CHCHD6: variants seen among roughly 807,000 people sequenced by gnomAD.
The protein encoded by CHCHD6 is coiled-coil-helix-coiled-coil-helix domain containing 6.
A neutral mutation model predicts 32.3 loss-of-function variants in CHCHD6; 28 were observed. The observed-to-expected ratio is 0.87, with a 90% CI of 0.64 to 1.19. The LOEUF (loss-of-function observed/expected upper bound fraction) is 1.19, where lower values mean the gene tolerates loss of function less well. CHCHD6 is among the 50% of genes most tolerant of loss of function. The pLI, the probability that CHCHD6 is intolerant of heterozygous loss-of-function variation, is 0.00. For synonymous variants in CHCHD6, 122 were observed against 117.5 expected (o/e 1.04, Z -0.25); for missense variants, 333 against 307.0 (o/e 1.08, Z -0.63).
At chr3:126,863,455 ACTG>A (rs1942048702) in intron 5 of CHCHD6, among the ~76,000 whole-genome samples, 1 of 125,288 alleles carries the variant, frequency 8.0e-6, no homozygotes, top group Non-Finnish European at 1.7e-5. Flanking sequence ...CTCCTCCCCC[ACTG>A]TCACCACCTC....
intron 4 of CHCHD6, among the ~76,000 whole-genome samples, chr3:126,751,730 T>G (rs1936732828): frequency 6.6e-6 from 1 of 152,182 alleles, no homozygotes; most frequent in Non-Finnish European, 1.5e-5. Context: ...CCGGGTTGCC[T>G]GGGGTCGAAT....
chr3:126,762,400 A>G (rs1937196247), intron 4 of CHCHD6, among the ~76,000 whole-genome samples: 1 of 152,080 alleles, frequency 6.6e-6, no homozygotes, highest in African/African-American at 2.4e-5. Context: ...TCTTTGATAA[A>G]TTGGTTGTTG....
chr3:126,767,543 C>A, intron 4 of CHCHD6: 2 of 464,336 alleles, frequency 4.3e-6, no homozygotes, highest in South Asian at 2.7e-5. Flanking sequence ...CCACCAGGCA[C>A]CTGTGTGTTG....
chr3:126,789,668 A>G (rs1411089234), intron 4 of CHCHD6, among the ~76,000 whole-genome samples: 1 of 151,376 alleles, frequency 6.6e-6, no homozygotes, highest in Non-Finnish European at 1.5e-5. Context: ...TTTGTTTTCC[A>G]TTTGCTTGGT....
intron 4 of CHCHD6, among the ~76,000 whole-genome samples, chr3:126,786,971 G>C (rs1938246175): frequency 6.6e-6 from 1 of 152,202 alleles, no homozygotes; most frequent in African/African-American, 2.4e-5. Context: ...TAACATTTAA[G>C]TCTTTAATCC....
intron 4 of CHCHD6, among the ~76,000 whole-genome samples, chr3:126,847,072 G>A (rs1941319863): frequency 6.6e-6 from 1 of 152,134 alleles, no homozygotes; most frequent in African/African-American, 2.4e-5. Flanking sequence ...AGATTAATCA[G>A]TTCATATATT....
chr3:126,859,007 G>C (rs1414621993), intron 5 of CHCHD6, among the ~76,000 whole-genome samples: 1 of 152,240 alleles, frequency 6.6e-6, no homozygotes, highest in Non-Finnish European at 1.5e-5. Context: ...TGTCTTGTTA[G>C]CGCCTGTGGC....
intron 4 of CHCHD6, among the ~76,000 whole-genome samples, chr3:126,789,045 G>A (rs1290800914): frequency 1.3e-5 from 2 of 152,120 alleles, no homozygotes; most frequent in African/African-American, 4.8e-5. Context: ...TGGTTTCAAA[G>A]GACATCTTTA....
rs200230339 is a variant in CHCHD6 at position 126,704,282 on chromosome 3, C to G, written c.-31C>G. The G allele has an allele frequency of 6.3e-7, 1 of 1,579,744 alleles. No individual in the cohort carries two copies. The highest frequency in any genetic ancestry group is 8.6e-7 in the Non-Finnish European group (1 of 1,158,250). On this transcript the variant is annotated 5_prime_UTR_variant, in exon 1 of 8. Transcript: ENST00000290913. ...GTTGCTCTGGAGCCGGGTCTCGGGT[C>G]TGGTGGCTGCCGGCCCTGCGGCATC...
In CHCHD6 at chr3:126,767,005, A is replaced by G. The variant is rs1196168295; in HGVS notation, c.411+33783A>G. On this transcript the variant is annotated intron_variant, in intron 4 of 7. Coordinates refer to ENST00000290913, the MANE Select transcript of CHCHD6 (RefSeq NM_032343.3). ...GCCACAGGCTACGTCTCACACAGCT[A>G]CATTTGGTACAGGCAGGATCTGCCT... 6.9e-6 allele frequency: 6 copies of G among 867,302 alleles called. No individual in the cohort carries two copies. The East Asian group carries it at 9.7e-5, about 14-fold the overall frequency. The allele number at this position is 867,302 out of a possible 1,614,324, so 53.7% of individuals were successfully genotyped here.
intron 6 of CHCHD6, among the ~76,000 whole-genome samples, chr3:126,917,352 CTTTG>C (rs2078186485): frequency 6.6e-6 from 1 of 152,180 alleles, no homozygotes; most frequent in Admixed American, 6.5e-5. Flanking sequence ...GTTGCTCTTC[CTTTG>C]TTTGTCTTTG....
In CHCHD6 at chr3:126,842,257, T is replaced by A. The variant is rs185431467; in HGVS notation, c.412-10390T>A. ...GTCTTTTTTTTAAAAAAAAGAACTGTTTAACCCTGGGCCCATCCCAGATCC... is the reference window on the plus strand; with the variant it reads ...GTCTTTTTTTTAAAAAAAAGAACTGATTAACCCTGGGCCCATCCCAGATCC... On this transcript the variant is annotated intron_variant, in intron 4 of 7. Coordinates refer to ENST00000290913, the MANE Select transcript of CHCHD6 (RefSeq NM_032343.3). Among the ~76,000 whole-genome samples, 10 of 152,270 alleles carry A rather than the reference T, an allele frequency of 6.6e-5. No individual in the cohort carries two copies. In the East Asian group the frequency reaches 1.9e-3, roughly 29 times the overall value.
At chr3:126,866,627 C>T (rs966265655) in intron 5 of CHCHD6, among the ~76,000 whole-genome samples, 5 of 152,248 alleles carry the variant, frequency 3.3e-5, no homozygotes, top group Non-Finnish European at 5.9e-5. Flanking sequence ...TACTGGGCCA[C>T]CTCAGAGGAT....
intron 6 of CHCHD6, among the ~76,000 whole-genome samples, chr3:126,932,345 A>C (rs921448469): frequency 6.6e-6 from 1 of 152,130 alleles, no homozygotes; most frequent in Non-Finnish European, 1.5e-5. Flanking sequence ...CATGTAAACA[A>C]ACTCCTAAGT....
At chr3:126,905,205 G>T (rs1038481563) in intron 5 of CHCHD6, among the ~76,000 whole-genome samples, 1 of 152,204 alleles carries the variant, frequency 6.6e-6, no homozygotes, top group Non-Finnish European at 1.5e-5. Flanking sequence ...AGCCCAAGCG[G>T]GTCCCAGTCT....
chr3:126,739,294 T>C (rs1227161452), intron 4 of CHCHD6, among the ~76,000 whole-genome samples: 2 of 152,260 alleles, frequency 1.3e-5, no homozygotes, highest in African/African-American at 2.4e-5. Flanking sequence ...AAGAGCCAGA[T>C]AGTAAATATT....
chr3:126,905,217 A>T (rs1024262812), intron 5 of CHCHD6, among the ~76,000 whole-genome samples: 1 of 152,236 alleles, frequency 6.6e-6, no homozygotes, highest in Non-Finnish European at 1.5e-5. Flanking sequence ...TCCCAGTCTA[A>T]GCCAGGGAGA....
At chr3:126,762,703 C>T (rs1044099557) in intron 4 of CHCHD6, among the ~76,000 whole-genome samples, 3 of 152,056 alleles carry the variant, frequency 2.0e-5, no homozygotes, top group Non-Finnish European at 4.4e-5. Context: ...AACTATTTGT[C>T]CCTTTTATTT....
At chr3:126,841,171 C>T (rs1273079149) in intron 4 of CHCHD6, among the ~76,000 whole-genome samples, 1 of 151,926 alleles carries the variant, frequency 6.6e-6, no homozygotes, top group Non-Finnish European at 1.5e-5. Context: ...TGCAATAGCT[C>T]ACTGAGAATG....
Sources: gnomAD v4.1 joint callset for allele counts (sites outside exome capture counted in the v4.1 genomes callset) on GRCh38, gnomAD v4.1.1 for gene constraint, MANE v1.5 for transcripts, NCBI Gene and HGNC (gene_info 2026-07-23, HGNC 2026-07-21) for gene names.